IL13RA1: variants seen among roughly 807,000 people sequenced by gnomAD.
IL13RA1 encodes interleukin 13 receptor subunit alpha 1.
A neutral mutation model predicts 33.8 loss-of-function variants in IL13RA1; 14 were observed. That is an observed-to-expected ratio of 0.41 (90% CI 0.27 to 0.65). The LOEUF (loss-of-function observed/expected upper bound fraction) is 0.65, where lower values mean the gene tolerates loss of function less well. IL13RA1 is among the 30% of genes least tolerant of loss of function. The pLI is 0.28. For missense variants in IL13RA1, 313 were observed against 327.0 expected (o/e 0.96, Z 0.33); for synonymous variants, 116 against 115.7 (o/e 1.00, Z -0.02).
downstream of IL13RA1, among the ~76,000 whole-genome samples, chrX:118,798,211 G>A (rs751071695): frequency 1.1e-4 from 12 of 111,421 alleles, no homozygotes; most frequent in Non-Finnish European, 1.9e-4. Context: ...AAATATTTTC[G>A]TTAAAATAGT....
intron 5 of IL13RA1, among the ~76,000 whole-genome samples, chrX:118,760,295 ATT>A (rs1296264709): frequency 8.1e-5 from 9 of 111,770 alleles, no homozygotes; most frequent in Non-Finnish European, 1.3e-4. Flanking sequence ...TTCATACAAT[ATT>A]TGTCTTTTGT....
Position 118,770,545 on chromosome X carries a change from C to T in IL13RA1, c.1010-3334C>T, listed in dbSNP as rs189098715. The T allele has an allele frequency of 3.4e-3, 1,758 of 521,082 alleles. 31 individuals are homozygous for T. In the African/African-American group the frequency reaches 0.036, roughly 11 times the overall value. 42.9% of individuals were successfully genotyped at this position (521,082 alleles called of 1,213,427 possible). On this transcript the variant is annotated intron_variant, in intron 8 of 10. Coordinates refer to ENST00000371666, the MANE Select transcript of IL13RA1 (RefSeq NM_001560.3). ...CAACCAGGACTTCGTGGTGTGGATG[C>T]GCATGGCAGCGCTGCCCACGTTCCG... is the stretch of plus-strand genomic sequence containing the variant.
At chrX:118,788,567 C>A (rs996073078) in intron 10 of IL13RA1, among the ~76,000 whole-genome samples, 2 of 111,419 alleles carry the variant, frequency 1.8e-5, no homozygotes, top group African/African-American at 3.3e-5. Flanking sequence ...ATATGGCCCC[C>A]GAAGCTGAAA....
At chrX:118,770,303 T>C (rs778235191) in intron 8 of IL13RA1, 1 of 348,343 alleles carries the variant, frequency 2.9e-6, no homozygotes, top group Non-Finnish European at 5.5e-6. Context: ...CTCCTCGCTG[T>C]GGCACCAGTG....
At chrX:118,750,881 A>G (rs1030743480) in intron 4 of IL13RA1, among the ~76,000 whole-genome samples, 3 of 111,330 alleles carry the variant, frequency 2.7e-5, no homozygotes, top group African/African-American at 9.8e-5. Flanking sequence ...ATCTAGGCTC[A>G]CTGCAACCTC....
intron 4 of IL13RA1, among the ~76,000 whole-genome samples, chrX:118,755,626 T>C (rs2256173): frequency 0.17 from 18,925 of 111,475 alleles, 1,477 homozygotes; most frequent in East Asian, 0.41. Flanking sequence ...TTTTAAAATT[T>C]CATTATCTGA....
chrX:118,757,982 C>T lies in IL13RA1; in HGVS notation c.489-73C>T, dbSNP rs182785006. The T allele has an allele frequency of 3.0e-3, 2,022 of 664,973 alleles. 3 individuals carry two copies. Among genetic ancestry groups the T allele is most frequent in the Middle Eastern group, 9.9e-3 (23 of 2,330 alleles). 54.8% of individuals were successfully genotyped at this position (664,973 alleles called of 1,213,427 possible). A position where few individuals can be genotyped will look rare whatever the true frequency, so the allele number is the denominator to read the frequency against. On this transcript the variant is annotated intron_variant, in intron 4 of 10. Transcript: ENST00000371666. ...CTGGGATTACAGGTGTGAGCCACCG[C>T]GCCCAGCCTGCTCTTATTTCTTGAA... is the stretch of plus-strand genomic sequence containing the variant.
At chrX:118,788,116 A>C (rs2017939567) in intron 10 of IL13RA1, among the ~76,000 whole-genome samples, 1 of 112,128 alleles carries the variant, frequency 8.9e-6, no homozygotes, top group South Asian at 3.7e-4. Context: ...TAAAAGTATT[A>C]ATTTGGAGAA....
At chrX:118,781,512 T>G (rs1042560922) in intron 10 of IL13RA1, among the ~76,000 whole-genome samples, 1 of 111,164 alleles carries the variant, frequency 9.0e-6, no homozygotes, top group Non-Finnish European at 1.9e-5. Flanking sequence ...CCACCATGCC[T>G]GGCTAATTTT....
intron 10 of IL13RA1, among the ~76,000 whole-genome samples, chrX:118,777,617 C>G (rs905716089): frequency 9.0e-6 from 1 of 111,263 alleles, no homozygotes; most frequent in Non-Finnish European, 1.9e-5. Flanking sequence ...AATTGAAATG[C>G]ATTGTGTTCA....
intron 8 of IL13RA1, 41 bp downstream of exon 8, chrX:118,767,017 G>A (rs2017657011): frequency 1.3e-6 from 1 of 792,898 alleles, no homozygotes; most frequent in Non-Finnish European, 1.8e-6. Context: ...AAACACTGAT[G>A]TATAAAAACT....
rs2017934462 is a variant in IL13RA1 at position 118,787,668 on chromosome X, C to T, written c.1192-4094C>T. ...CTAGAGCAGCCATTTTAGAGGCCTC[C>T]TCCTGGGAATGCATTCTTTTCCCAG... On this transcript the variant is annotated intron_variant, in intron 10 of 10. Coordinates refer to ENST00000371666, the MANE Select transcript of IL13RA1 (RefSeq NM_001560.3). Among the ~76,000 whole-genome samples the T allele has an allele frequency of 4.5e-5, 5 of 111,707 alleles. No individual in the cohort carries two copies. The East Asian group carries it at 8.4e-4, about 19-fold the overall frequency.
intron 10 of IL13RA1, among the ~76,000 whole-genome samples, chrX:118,782,075 C>G (rs2017849532): frequency 9.3e-6 from 1 of 108,020 alleles, no homozygotes; most frequent in African/African-American, 3.4e-5. Flanking sequence ...ATTTACTTTT[C>G]TTTTTTTTTT....
intron 10 of IL13RA1, among the ~76,000 whole-genome samples, chrX:118,782,007 G>A (rs763466321): frequency 8.9e-6 from 1 of 112,104 alleles, no homozygotes; most frequent in South Asian, 3.7e-4. Flanking sequence ...GCTTGAATCA[G>A]TAATTTCCTT....
intron 8 of IL13RA1, among the ~76,000 whole-genome samples, chrX:118,772,000 A>C (rs777674568): frequency 2.0e-4 from 22 of 112,042 alleles, no homozygotes; most frequent in Non-Finnish European, 3.2e-4. Flanking sequence ...AAAAATCACT[A>C]TCTCTGGAAA....
chrX:118,760,258 C>A (rs1488234228), intron 5 of IL13RA1, among the ~76,000 whole-genome samples: 1 of 112,047 alleles, frequency 8.9e-6, no homozygotes, highest in Non-Finnish European at 1.9e-5. Context: ...ATGAATTTGA[C>A]TACTTAAGAT....
At position 118,774,157 on chromosome X, in the gene IL13RA1, T is replaced by C. The variant is rs947084428; in HGVS notation, c.1106+182T>C. Among the ~76,000 whole-genome samples, 15 of 107,482 alleles carry C rather than the reference T, an allele frequency of 1.4e-4. 1 individual carries two copies. Among genetic ancestry groups the C allele is most frequent in the Middle Eastern group, 4.7e-3 (1 of 211 alleles). The allele number at this position is 107,482 out of a possible 115,157, so 93.3% of individuals were successfully genotyped here. ...CGCCCACTTTCTTTTCTTTTCTTTT[T>C]TTTTTTTTTTTCCTGAGATGGAGTC... is the stretch of plus-strand genomic sequence containing the variant. On this transcript the variant is annotated intron_variant, in intron 9 of 10. Coordinates refer to ENST00000371666, the MANE Select transcript of IL13RA1 (RefSeq NM_001560.3).
chrX:118,747,001 G>C lies in IL13RA1; in HGVS notation c.276G>C (p.Glu92Asp). ...TRRSIEVPLNERICLQVGSQC... is the reference protein window; with the variant it reads ...TRRSIEVPLNDRICLQVGSQC... ...GTTCAATAGAAGTACCCCTGAATGA[G>C]AGGATTTGTCTGCAAGTGGGGTCCC... The change falls in exon 3 of 11, where the codon GAG (glutamate) becomes GAC (aspartate). Residue 92 changes from glutamate to aspartate, a missense_variant. Coordinates refer to ENST00000371666, the MANE Select transcript of IL13RA1 (RefSeq NM_001560.3). 3 of 1,176,060 alleles carry C rather than the reference G, an allele frequency of 2.6e-6. No homozygotes were observed. Among genetic ancestry groups the C allele is most frequent in the Non-Finnish European group, 3.5e-6 (3 of 863,569 alleles).
chrX:118,793,962 G>C lies in IL13RA1; in HGVS notation c.*2108G>C, dbSNP rs991031545. ...AAGAATATTTGGTTTTCCTGTATAG[G>C]AATGAGATTAATTCCTTTCCAGGTA... On this transcript the variant is annotated 3_prime_UTR_variant, in exon 11 of 11. Transcript: ENST00000371666. 1 of 112,137 alleles carries C rather than the reference G, an allele frequency of 8.9e-6. No homozygotes were observed. The highest frequency in any genetic ancestry group is 3.2e-5 in the African/African-American group (1 of 30,854). 9.2% of individuals were successfully genotyped at this position (112,137 alleles called of 1,213,427 possible).
Sources: allele counts gnomAD v4.1 joint callset (sites outside exome capture counted in the v4.1 genomes callset), GRCh38; gene constraint gnomAD v4.1.1; transcripts MANE v1.5; gene names NCBI Gene and HGNC (gene_info 2026-07-23, HGNC 2026-07-21).